The following NKAIN2 variants were observed in gnomAD, a reference collection of about 807,000 sequenced individuals.
The protein encoded by NKAIN2 is sodium/potassium transporting ATPase interacting 2.
NKAIN2 carries 14 observed loss-of-function variants against 32.6 expected under a neutral mutation model. The ratio of observed to expected loss-of-function variants is 0.43; its 90% CI spans 0.28 to 0.67. The LOEUF is 0.67. NKAIN2 is among the 30% of genes least tolerant of loss of function. The probability of loss-of-function intolerance (pLI) is 0.17; values close to 1 mark genes in which losing one functional copy is unlikely to be tolerated. For synonymous variants in NKAIN2, 80 were observed against 87.2 expected (o/e 0.92, Z 0.46); for missense variants, 198 against 258.3 (o/e 0.77, Z 1.60).
chr6:124,163,148 A>G (rs1788360536), intron 1 of NKAIN2, among the ~76,000 whole-genome samples: 1 of 152,106 alleles, frequency 6.6e-6, no homozygotes, highest in Non-Finnish European at 1.5e-5. Flanking sequence ...GTATTAATCT[A>G]TGTGAATTAG....
chr6:123,983,622 T>C (rs766760076), intron 1 of NKAIN2, among the ~76,000 whole-genome samples: 1 of 152,192 alleles, frequency 6.6e-6, no homozygotes, highest in Non-Finnish European at 1.5e-5. Flanking sequence ...GATTGTCTAA[T>C]ACCCACTATT....
intron 3 of NKAIN2, among the ~76,000 whole-genome samples, chr6:124,467,441 A>G (rs1011825423): frequency 1.3e-5 from 2 of 152,116 alleles, no homozygotes; most frequent in South Asian, 4.1e-4. Context: ...AAAAGACTTC[A>G]CTACAGTTAC....
At chr6:124,334,645 A>T (rs1797795025) in intron 2 of NKAIN2, among the ~76,000 whole-genome samples, 1 of 152,148 alleles carries the variant, frequency 6.6e-6, no homozygotes, top group African/African-American at 2.4e-5. Context: ...TACTTCAAAC[A>T]TGAATCTTAG....
intron 3 of NKAIN2, among the ~76,000 whole-genome samples, chr6:124,606,123 C>A (rs1206888160): frequency 1.3e-5 from 2 of 151,898 alleles, no homozygotes; most frequent in Non-Finnish European, 2.9e-5. Flanking sequence ...TTTTAAATTT[C>A]AATTTGGCCT....
At chr6:124,335,973 A>G (rs900922671) in intron 2 of NKAIN2, among the ~76,000 whole-genome samples, 2 of 152,224 alleles carry the variant, frequency 1.3e-5, no homozygotes, top group Admixed American at 1.3e-4. Context: ...TATGATTGCT[A>G]AATTAATTCT....
At chr6:124,804,422 G>A (rs1382567533) in intron 5 of NKAIN2, 2 of 736,618 alleles carry the variant, frequency 2.7e-6, no homozygotes, top group Non-Finnish European at 3.3e-6. Flanking sequence ...TATTTATTAT[G>A]ATACTATTAT....
At chr6:124,445,941 T>C (rs935213059) in intron 3 of NKAIN2, among the ~76,000 whole-genome samples, 1 of 152,066 alleles carries the variant, frequency 6.6e-6, no homozygotes, top group Non-Finnish European at 1.5e-5. Context: ...TTTTGTAAAG[T>C]TCATCAAAAT....
intron 3 of NKAIN2, among the ~76,000 whole-genome samples, chr6:124,576,941 AG>A (rs1361447398): frequency 1.3e-5 from 2 of 152,222 alleles, no homozygotes; most frequent in East Asian, 3.8e-4. Context: ...AGACACCAAA[AG>A]CACAATCCGT....
chr6:124,318,220 G>T (rs906220814), intron 2 of NKAIN2, among the ~76,000 whole-genome samples: 1 of 151,972 alleles, frequency 6.6e-6, no homozygotes, highest in Non-Finnish European at 1.5e-5. Context: ...TACAAATGTA[G>T]TATTCTTGAT....
chr6:124,602,725 C>A (rs1782356046), intron 3 of NKAIN2, among the ~76,000 whole-genome samples: 1 of 151,902 alleles, frequency 6.6e-6, no homozygotes, highest in African/African-American at 2.4e-5. Flanking sequence ...ATCCAGATTT[C>A]TTTTTCTAAT....
At chr6:123,890,287 T>C (rs1773941006) in intron 1 of NKAIN2, among the ~76,000 whole-genome samples, 1 of 152,004 alleles carries the variant, frequency 6.6e-6, no homozygotes, top group Admixed American at 6.6e-5. Context: ...CTTCCTCTTT[T>C]AGTTATAAGA....
chr6:123,934,111 A>G (rs1361795396), intron 1 of NKAIN2, among the ~76,000 whole-genome samples: 2 of 152,200 alleles, frequency 1.3e-5, no homozygotes, highest in Non-Finnish European at 2.9e-5. Flanking sequence ...AACTACTGCA[A>G]CAACTTCACA....
intron 3 of NKAIN2, among the ~76,000 whole-genome samples, chr6:124,409,258 C>T (rs1774028444): frequency 6.6e-6 from 1 of 152,170 alleles, no homozygotes; most frequent in Non-Finnish European, 1.5e-5. Context: ...GAGAGGGCAT[C>T]CCTGTCTTGT....
chr6:124,231,587 C>G (rs1204322152), intron 1 of NKAIN2, among the ~76,000 whole-genome samples: 1 of 152,066 alleles, frequency 6.6e-6, no homozygotes, highest in Non-Finnish European at 1.5e-5. Context: ...CTTTCCCATG[C>G]TGTTCTTGTG....
chr6:124,475,913 G>T (rs962851934), intron 3 of NKAIN2, among the ~76,000 whole-genome samples: 3 of 152,040 alleles, frequency 2.0e-5, no homozygotes, highest in Non-Finnish European at 4.4e-5. Context: ...ATTTTTAAAA[G>T]GCATCTCAGA....
At chr6:123,884,070 TA>T (rs1231836189) in intron 1 of NKAIN2, among the ~76,000 whole-genome samples, 1 of 152,018 alleles carries the variant, frequency 6.6e-6, no homozygotes, top group Non-Finnish European at 1.5e-5. Flanking sequence ...GTATTAAGCC[TA>T]GTACCCATTA....
At chr6:124,699,170 G>A (rs1282153254) in intron 4 of NKAIN2, among the ~76,000 whole-genome samples, 5 of 152,144 alleles carry the variant, frequency 3.3e-5, no homozygotes, top group Non-Finnish European at 7.3e-5. Context: ...GTTCTGGCTT[G>A]AGGAACTCAG....
At position 124,091,676 on chromosome 6, in the gene NKAIN2, C is replaced by A. The variant is rs550842394; in HGVS notation, c.55-191329C>A. 3.3e-5 allele frequency among the ~76,000 whole-genome samples: 5 copies of A among 151,806 alleles called. No homozygotes were observed. The South Asian group carries it at 1.0e-3, about 31-fold the overall frequency. The stretch of plus-strand genomic sequence containing the variant: ...TCAAAGCATTATTTTTTTTTTCCCC[C>A]CAGCTCCATAGTCTTCCACACTTTG... On this transcript the variant is annotated intron_variant, in intron 1 of 6. Transcript: ENST00000368417.
At chr6:124,425,012 C>T (rs944788404) in intron 3 of NKAIN2, among the ~76,000 whole-genome samples, 7 of 152,082 alleles carry the variant, frequency 4.6e-5, no homozygotes, top group Non-Finnish European at 1.0e-4. Context: ...TACCAATTAA[C>T]ATTCCCAGAG....
Sources: gnomAD v4.1 joint callset for allele counts (sites outside exome capture counted in the v4.1 genomes callset) on GRCh38, gnomAD v4.1.1 for gene constraint, MANE v1.5 for transcripts, NCBI Gene and HGNC (gene_info 2026-07-23, HGNC 2026-07-21) for gene names.